The following TRHDE variants were observed in gnomAD, a reference collection of about 807,000 sequenced individuals.
TRHDE encodes the protein thyrotropin-releasing hormone-degrading ectoenzyme.
Under a neutral mutation model 125.7 loss-of-function variants are expected in TRHDE, and 72 were observed. That is an observed-to-expected ratio of 0.57 (90% CI 0.47 to 0.70). The LOEUF (loss-of-function observed/expected upper bound fraction) is 0.70. Among genes scored for constraint, TRHDE ranks in the 30% least tolerant of loss-of-function variants. TRHDE has a pLI of 0.00. For synonymous variants in TRHDE, 509 were observed against 509.1 expected, an observed-to-expected ratio of 1.00 and a Z score of 0.00; for missense variants, 1,110 against 1,327.1, an observed-to-expected ratio of 0.84 and a Z score of 2.54.
rs183021679 is a variant in TRHDE at position 72,291,067 on chromosome 12, C to G, written c.1188+4113C>G. On this transcript the variant is annotated intron_variant, in intron 2 of 18. Transcript: ENST00000261180. ...ATATTCATCCTACAAACAATGTATA[C>G]TTGTCAGTGGGTCTCATCCCATTAC... 2.6e-5 allele frequency among the ~76,000 whole-genome samples: 4 copies of G among 152,320 alleles called. No individual in the cohort carries two copies. The East Asian group carries it at 7.7e-4, about 29-fold the overall frequency.
chr12:72,565,791 G>C (rs914851333), intron 9 of TRHDE, among the ~76,000 whole-genome samples: 12 of 151,864 alleles, frequency 7.9e-5, no homozygotes, highest in Non-Finnish European at 1.6e-4. Flanking sequence ...TAGAATAAAA[G>C]TTGCTTTATT....
upstream of TRHDE, among the ~76,000 whole-genome samples, chr12:72,269,829 T>G (rs1879154658): frequency 6.6e-6 from 1 of 152,092 alleles, no homozygotes. Context: ...TTGTACACAT[T>G]TTTAAAAAAA....
At chr12:72,642,820 A>T (rs1050758294) in intron 15 of TRHDE, among the ~76,000 whole-genome samples, 1 of 152,188 alleles carries the variant, frequency 6.6e-6, no homozygotes, top group Non-Finnish European at 1.5e-5. Flanking sequence ...TGTACTGTTC[A>T]TAACTGTGGG....
intron 2 of TRHDE, among the ~76,000 whole-genome samples, chr12:72,303,006 G>A (rs954082500): frequency 5.3e-5 from 8 of 152,108 alleles, no homozygotes; most frequent in Admixed American, 1.3e-4. Context: ...AAATCACCCC[G>A]TTGAGAACCA....
intron 2 of TRHDE, among the ~76,000 whole-genome samples, chr12:72,193,768 A>G (rs1368782337): frequency 6.6e-6 from 1 of 152,160 alleles, no homozygotes. Flanking sequence ...AAAAAATGAA[A>G]AAAATAAAGA....
At chr12:72,420,667 A>G (rs1873914930) in intron 3 of TRHDE, among the ~76,000 whole-genome samples, 1 of 152,168 alleles carries the variant, frequency 6.6e-6, no homozygotes, top group African/African-American at 2.4e-5. Flanking sequence ...ACCAGAGTTT[A>G]GGGAATAAAA....
chr12:72,202,945 A>G (rs1877589702), intron 2 of TRHDE, among the ~76,000 whole-genome samples: 1 of 151,784 alleles, frequency 6.6e-6, no homozygotes, highest in Non-Finnish European at 1.5e-5. Flanking sequence ...TTTGGGTTTC[A>G]GCTATTTAAT....
intron 12 of TRHDE, among the ~76,000 whole-genome samples, chr12:72,600,243 T>C (rs1380640106): frequency 1.3e-5 from 2 of 152,120 alleles, no homozygotes; most frequent in African/African-American, 4.8e-5. Flanking sequence ...TGGGCTCCTT[T>C]TTGGTTTTAT....
At chr12:72,502,448 A>T (rs1347719743) in intron 6 of TRHDE, among the ~76,000 whole-genome samples, 2 of 152,122 alleles carry the variant, frequency 1.3e-5, no homozygotes, top group Non-Finnish European at 2.9e-5. Flanking sequence ...GATTACAAAT[A>T]TTAGAAGATT....
chr12:72,184,592 A>T (rs1241880988), intron 2 of TRHDE, among the ~76,000 whole-genome samples: 1 of 152,046 alleles, frequency 6.6e-6, no homozygotes, highest in Non-Finnish European at 1.5e-5. Flanking sequence ...CTCTCCCCTG[A>T]ATGACTTCTC....
At chr12:72,470,383 C>T (rs1384889915) in intron 4 of TRHDE, among the ~76,000 whole-genome samples, 1 of 152,230 alleles carries the variant, frequency 6.6e-6, no homozygotes, top group African/African-American at 2.4e-5. Flanking sequence ...CTTTCACTAA[C>T]TCAGCCATAG....
At chr12:72,158,727 C>T (rs1400689211) in intron 2 of TRHDE, among the ~76,000 whole-genome samples, 1 of 152,056 alleles carries the variant, frequency 6.6e-6, no homozygotes, top group African/African-American at 2.4e-5. Context: ...TTGCATAATC[C>T]TCTGTTCTGT....
At chr12:72,604,413 TTTCTC>T (rs1350930973) in intron 12 of TRHDE, among the ~76,000 whole-genome samples, 2 of 149,260 alleles carry the variant, frequency 1.3e-5, no homozygotes, top group Admixed American at 6.7e-5. Context: ...TTTATCATCT[TTTCTC>T]TTAGGTTTCT....
intron 12 of TRHDE, among the ~76,000 whole-genome samples, chr12:72,603,128 A>C (rs1302891157): frequency 6.6e-6 from 1 of 152,184 alleles, no homozygotes; most frequent in African/African-American, 2.4e-5. Flanking sequence ...AGAATAAAGA[A>C]GAGATAAGGA....
chr12:72,599,787 C>G (rs537594212), intron 12 of TRHDE, among the ~76,000 whole-genome samples: 1 of 152,020 alleles, frequency 6.6e-6, no homozygotes, highest in Non-Finnish European at 1.5e-5. Flanking sequence ...TAAATTCTTA[C>G]CCAAGGCTGA....
chr12:72,595,944 A>G (rs541007496), intron 12 of TRHDE, among the ~76,000 whole-genome samples: 1 of 152,270 alleles, frequency 6.6e-6, no homozygotes, highest in East Asian at 1.9e-4. Context: ...GGGCTAAAAA[A>G]TTAGTGAATC....
At chr12:72,150,559 C>T (rs551194797) in intron 2 of TRHDE, among the ~76,000 whole-genome samples, 10 of 116,602 alleles carry the variant, frequency 8.6e-5, no homozygotes, top group African/African-American at 1.3e-4. Flanking sequence ...ACCCCCCACC[C>T]GACAACAGGC....
chr12:72,093,960 C>A (rs1350991131), intron 1 of TRHDE, among the ~76,000 whole-genome samples: 1 of 152,132 alleles, frequency 6.6e-6, no homozygotes, highest in Non-Finnish European at 1.5e-5. Context: ...TCCAGTTTTA[C>A]AGACTGTTTT....
intron 2 of TRHDE, among the ~76,000 whole-genome samples, chr12:72,248,509 G>A (rs201675856): frequency 0.015 from 1,771 of 117,270 alleles, 42 homozygotes; most frequent in African/African-American, 0.051. Context: ...TGCTTTTCCT[G>A]ATTGTGAAAT....
Sources: gnomAD v4.1 joint callset for allele counts (sites outside exome capture counted in the v4.1 genomes callset) on GRCh38, gnomAD v4.1.1 for gene constraint, MANE v1.5 for transcripts, NCBI Gene and HGNC (gene_info 2026-07-23, HGNC 2026-07-21) for gene names.